ZNF160: variants seen among roughly 807,000 people sequenced by gnomAD.
ZNF160 encodes the protein zinc finger protein 160.
Under a neutral mutation model 13.1 loss-of-function variants are expected in ZNF160, and 9 were observed. That is an observed-to-expected ratio of 0.69 (90% CI 0.41 to 1.20). The LOEUF is 1.20. Ranked by LOEUF, ZNF160 falls within the 50% of genes most tolerant of loss-of-function variation. ZNF160 has a pLI of 0.01. For synonymous variants in ZNF160, 293 were observed against 333.2 expected (o/e 0.88, Z 1.31); for missense variants, 838 against 988.0 (o/e 0.85, Z 2.04).
chr19:53,093,184 C>T (rs2085097914), intron 1 of ZNF160, among the ~76,000 whole-genome samples: 1 of 152,178 alleles, frequency 6.6e-6, no homozygotes, highest in African/African-American at 2.4e-5. Flanking sequence ...CCTGTAATCC[C>T]AGCACTTCAC....
chr19:53,090,230 C>T (rs1022926731), intron 2 of ZNF160, among the ~76,000 whole-genome samples: 10 of 152,102 alleles, frequency 6.6e-5, no homozygotes, highest in African/African-American at 1.9e-4. Flanking sequence ...CTCTCCCCCA[C>T]TCTCTGTCTG....
At chr19:53,095,437 G>A (rs1332665701) in intron 1 of ZNF160, 1 of 151,928 alleles carries the variant, frequency 6.6e-6, no homozygotes. Context: ...CCCACCAGAC[G>A]TTAAAATCCC....
rs1223518569 is a variant in ZNF160 at position 53,067,863 on chromosome 19, A to G, written c.*214T>C. 2.2e-5 allele frequency: 12 copies of G among 555,646 alleles called. No homozygotes were observed. The highest frequency in any genetic ancestry group is 3.3e-5 in the Non-Finnish European group (11 of 337,686). The allele number at this position is 555,646 out of a possible 1,614,324, so 34.4% of individuals were successfully genotyped here. Reference sequence around the variant, plus strand: ...ATATTACATTTGTTTCGTTTCATCAAAGATATAAATCTTGATGCCTAGTAA... The same window carrying G: ...ATATTACATTTGTTTCGTTTCATCAGAGATATAAATCTTGATGCCTAGTAA... On this transcript the variant is annotated 3_prime_UTR_variant, in exon 6 of 6. Coordinates refer to ENST00000683776, the MANE Select transcript of ZNF160 (RefSeq NM_001322131.2).
chr19:53,090,386 C>T (rs1356919046), intron 2 of ZNF160, among the ~76,000 whole-genome samples: 1 of 152,200 alleles, frequency 6.6e-6, no homozygotes, highest in African/African-American at 2.4e-5. Context: ...TCTGCAAATT[C>T]CCCACCCATC....
intron 3 of ZNF160, among the ~76,000 whole-genome samples, chr19:53,082,628 C>T (rs949931936): frequency 2.6e-5 from 4 of 152,298 alleles, no homozygotes; most frequent in South Asian, 2.1e-4. Flanking sequence ...TGTGATCACA[C>T]GACTGGACTC....
intron 5 of ZNF160, chr19:53,073,553 C>T (rs781448677): frequency 1.1e-4 from 170 of 1,561,616 alleles, no homozygotes; most frequent in Middle Eastern, 1.8e-4. Flanking sequence ...CAGGTCTAGA[C>T]GTCAGGACTA....
At chr19:53,072,991 T>C (rs62115400) in intron 5 of ZNF160, 40 of 624,162 alleles carry the variant, frequency 6.4e-5, no homozygotes, top group Non-Finnish European at 7.9e-5. Flanking sequence ...TTATATATAT[T>C]TACAGGAAAC....
Position 53,085,683 on chromosome 19 carries a change from A to G in ZNF160, c.15+579T>C, listed in dbSNP as rs1433082213. ...GTTTAATGAATCTTGTTACACATTT[A>G]TGTTGACGTCATACATTAAAATGGA... On this transcript the variant is annotated intron_variant, in intron 3 of 5. Transcript: ENST00000683776. The G allele has an allele frequency of 4.6e-5, 11 of 240,164 alleles. No individual in the cohort carries two copies. The South Asian group carries it at 7.8e-4, about 17-fold the overall frequency. 14.9% of individuals were successfully genotyped at this position (240,164 alleles called of 1,614,324 possible).
chr19:53,093,088 ATGCT>A (rs1164561563), intron 1 of ZNF160, among the ~76,000 whole-genome samples: 1 of 152,208 alleles, frequency 6.6e-6, no homozygotes, highest in Non-Finnish European at 1.5e-5. Context: ...CAGAGTTTAA[ATGCT>A]TATACATTTT....
intron 1 of ZNF160, among the ~76,000 whole-genome samples, chr19:53,092,127 C>T (rs2085057470): frequency 6.6e-6 from 1 of 152,032 alleles, no homozygotes; most frequent in Non-Finnish European, 1.5e-5. Context: ...TCCAAAAGTA[C>T]TTGAAGAAAC....
At position 53,086,261 on chromosome 19, in the gene ZNF160, C is replaced by A; in HGVS notation, c.15+1G>T. ...ACAATCCACCAGGAGTATCACTTTA[C>A]CTGAGTAAGGGCCATCCCTGACTCC... On this transcript the variant is annotated splice_donor_variant, in intron 3 of 5. Coordinates refer to ENST00000683776, the MANE Select transcript of ZNF160 (RefSeq NM_001322131.2). LOFTEE classifies it high-confidence loss of function. 6.3e-7 allele frequency: 1 copy of A among 1,589,754 alleles called. No individual in the cohort carries two copies. Among genetic ancestry groups the A allele is most frequent in the Non-Finnish European group, 8.6e-7 (1 of 1,168,658 alleles).
chr19:53,074,109 T>A, intron 5 of ZNF160, 31 bp downstream of exon 5: 1 of 1,607,490 alleles, frequency 6.2e-7, no homozygotes, highest in Non-Finnish European at 8.5e-7. Context: ...AGTTAATGAG[T>A]GGCCTTCTCT....
In ZNF160 at chr19:53,068,874, T is replaced by C; in HGVS notation, c.1660A>G (p.Ser554Gly). The C allele has an allele frequency of 1.2e-6, 2 of 1,614,166 alleles. No individual in the cohort carries two copies. The highest frequency in any genetic ancestry group is 1.7e-6 in the Non-Finnish European group (2 of 1,180,032). The change falls in exon 6 of 6, where the codon AGT becomes GGT. Residue 554 changes from serine to glycine, a missense_variant. Ser to Gly is a moderately conservative substitution (Grantham distance 56). Coordinates refer to ENST00000683776, the MANE Select transcript of ZNF160 (RefSeq NM_001322131.2). ...KSFTQKSHLR[S>G]HRGIHSGEKP... ...TCTCCAGAATGAATTCCCCGATGAC[T>C]TCTAAGGTGTGATTTTTGAGTGAAG...
chr19:53,069,690 C>A lies in ZNF160; in HGVS notation c.844G>T (p.Glu282Ter). The A allele has an allele frequency of 1.2e-6, 2 of 1,614,212 alleles. No individual in the cohort carries two copies. Among genetic ancestry groups the A allele is most frequent in the South Asian group, 2.2e-5 (2 of 91,084 alleles). The change falls in exon 6 of 6, where the codon GAG becomes TAG. Residue 282 changes from glutamate to a stop codon, truncating the protein, a stop_gained. Coordinates refer to ENST00000683776, the MANE Select transcript of ZNF160 (RefSeq NM_001322131.2). LOFTEE classifies it low-confidence loss of function (END_TRUNC). This position sits in a 1 kb window ranked among gnomAD's most constrained non-coding sequence, Gnocchi z 4.4. ...CACTCACTGCATTTGTAAGGCTTCT[C>A]TCCACTATGAATTCTCCTATGACTT... ...LTSHRRIHSG[E>*]KPYKCSECGK...
intron 3 of ZNF160, chr19:53,075,597 T>G (rs1193977220): frequency 2.7e-6 from 1 of 367,512 alleles, no homozygotes; most frequent in African/African-American, 2.1e-5. Flanking sequence ...GCCTCCATAA[T>G]GGGGCCTCCA....
chr19:53,083,531 A>G (rs1338790770), intron 3 of ZNF160, among the ~76,000 whole-genome samples: 1 of 152,250 alleles, frequency 6.6e-6, no homozygotes, highest in African/African-American at 2.4e-5. Context: ...TAATTGAGAA[A>G]GGGGTAAGCA....
Position 53,067,004 on chromosome 19 carries a change from C to T in ZNF160, c.*1073G>A, listed in dbSNP as rs1461151159. 6.6e-6 allele frequency: 1 copy of T among 152,202 alleles called. No individual in the cohort carries two copies. Among genetic ancestry groups the T allele is most frequent in the African/African-American group, 2.4e-5 (1 of 41,428 alleles). 9.4% of individuals were successfully genotyped at this position (152,202 alleles called of 1,614,324 possible). On this transcript the variant is annotated 3_prime_UTR_variant, in exon 6 of 6. Coordinates refer to ENST00000683776, the MANE Select transcript of ZNF160 (RefSeq NM_001322131.2). ...CCATGTTGGTCAGGCTGGTCTCGAA[C>T]TCCCGACCTCAGGTGATCCACCTGC...
chr19:53,096,822 G>C (rs973186790), intron 1 of ZNF160, among the ~76,000 whole-genome samples: 1 of 129,112 alleles, frequency 7.7e-6, no homozygotes, highest in Non-Finnish European at 1.7e-5. Flanking sequence ...AGAGGACAAC[G>C]GGGAAAGGGA....
At chr19:53,098,873 G>A (rs1600929586) in intron 1 of ZNF160, among the ~76,000 whole-genome samples, 1 of 150,868 alleles carries the variant, frequency 6.6e-6, no homozygotes. Flanking sequence ...GGGTCTGCGG[G>A]GCTTTTCAGG....
Sources: allele counts gnomAD v4.1 joint callset (sites outside exome capture counted in the v4.1 genomes callset), GRCh38; gene constraint gnomAD v4.1.1; non-coding constraint Gnocchi (gnomAD v3.1); transcripts MANE v1.5; gene names NCBI Gene and HGNC (gene_info 2026-07-23, HGNC 2026-07-21).